CPAP: variants seen among roughly 807,000 people sequenced by gnomAD.
CPAP encodes centrosome assembly and centriole elongation protein.
chr13:24,904,113 A>G, the CPAP span: 18 of 1,599,980 alleles, frequency 1.1e-5, no homozygotes, highest in Non-Finnish European at 1.5e-5. Flanking sequence ...TGCAGCAAAA[A>G]CACTAGCTAG....
the CPAP span, among the ~76,000 whole-genome samples, chr13:24,903,050 C>G: frequency 6.6e-6 from 1 of 152,016 alleles, no homozygotes; most frequent in Admixed American, 6.6e-5. Context: ...TTCACAAGTA[C>G]AATTAAAAAA....
chr13:24,906,949 T>G, the CPAP span: 1 of 1,613,274 alleles, frequency 6.2e-7, no homozygotes, highest in Admixed American at 1.7e-5. Context: ...TTGGCAATGG[T>G]CCTTCTGCTT....
chr13:24,913,172 A>G, the CPAP span: 1 of 665,878 alleles, frequency 1.5e-6, no homozygotes, highest in South Asian at 1.9e-5. Flanking sequence ...ACCTCAACCC[A>G]GCATAAAAAT....
chr13:24,902,823 A>G, the CPAP span, among the ~76,000 whole-genome samples: 1 of 152,346 alleles, frequency 6.6e-6, no homozygotes, highest in South Asian at 2.1e-4. Context: ...GGTGAATTTC[A>G]GCATTTGCAT....
At chr13:24,892,754 G>A in the CPAP span, 36 of 1,613,706 alleles carry the variant, frequency 2.2e-5, no homozygotes, top group Non-Finnish European at 2.8e-5. Context: ...GGAGGTCTGT[G>A]TTCTCTCTGA....
At chr13:24,884,759 T>A in the CPAP span, among the ~76,000 whole-genome samples, 1 of 152,218 alleles carries the variant, frequency 6.6e-6, no homozygotes, top group African/African-American at 2.4e-5. Context: ...TTGTTCTTTG[T>A]CCTTCTCTCA....
the CPAP span, among the ~76,000 whole-genome samples, chr13:24,917,783 G>A: frequency 6.6e-6 from 1 of 152,216 alleles, no homozygotes; most frequent in South Asian, 2.1e-4. Flanking sequence ...CTGGAGCTGG[G>A]AAAAACAAGA....
chr13:24,905,731 G>A, the CPAP span: 1 of 1,614,160 alleles, frequency 6.2e-7, no homozygotes, highest in East Asian at 2.2e-5. Flanking sequence ...TGCTTTCCAT[G>A]ATAGACTCAT....
the CPAP span, among the ~76,000 whole-genome samples, chr13:24,917,554 T>C: frequency 6.6e-6 from 1 of 152,184 alleles, no homozygotes; most frequent in Non-Finnish European, 1.5e-5. Context: ...ATGTCTGCAA[T>C]CTCATCAGTG....
the CPAP span, among the ~76,000 whole-genome samples, chr13:24,899,238 T>C: frequency 3.9e-5 from 6 of 152,354 alleles, no homozygotes; most frequent in Middle Eastern, 6.8e-3. Context: ...AATCTTCTAC[T>C]CTTTAAAAGT....
At chr13:24,927,559 C>T in the CPAP span, among the ~76,000 whole-genome samples, 10 of 152,200 alleles carry the variant, frequency 6.6e-5, no homozygotes, top group Non-Finnish European at 1.3e-4. Flanking sequence ...ACTTAAAAGA[C>T]TGCTTTCATA....
the CPAP span, among the ~76,000 whole-genome samples, chr13:24,893,032 G>A: frequency 5.9e-5 from 9 of 152,182 alleles, no homozygotes; most frequent in Non-Finnish European, 1.3e-4. Flanking sequence ...AGCGGCGGGA[G>A]GAGGGGATCA....
chr13:24,886,103 C>T, the CPAP span: 2 of 387,728 alleles, frequency 5.2e-6, no homozygotes, highest in African/African-American at 2.1e-5. Context: ...CATACTGTAC[C>T]AGCAACATAT....
At chr13:24,910,223 T>C in the CPAP span, 1 of 831,536 alleles carries the variant, frequency 1.2e-6, no homozygotes, top group African/African-American at 1.7e-5. Flanking sequence ...AAATGGTGTT[T>C]AACAAAACCA....
chr13:24,892,087 G>A, the CPAP span, among the ~76,000 whole-genome samples: 15 of 152,290 alleles, frequency 9.8e-5, no homozygotes, highest in South Asian at 1.0e-3. Flanking sequence ...CCACTGGAAT[G>A]TAAGCTTCAT....
the CPAP span, among the ~76,000 whole-genome samples, chr13:24,930,295 ATCT>A: frequency 6.4e-4 from 98 of 152,126 alleles, no homozygotes; most frequent in Non-Finnish European, 1.2e-3. Flanking sequence ...TCTATTAATA[ATCT>A]TTATTTTTTT....
the CPAP span, among the ~76,000 whole-genome samples, chr13:24,920,272 G>T: frequency 2.6e-5 from 4 of 152,320 alleles, no homozygotes; most frequent in East Asian, 7.7e-4. Flanking sequence ...CAATTGTTCA[G>T]TATGTACAAA....
At chr13:24,909,755 T>C in the CPAP span, 1 of 1,580,178 alleles carries the variant, frequency 6.3e-7, no homozygotes, top group Non-Finnish European at 8.7e-7. Flanking sequence ...TTAGTAACAC[T>C]ATAAGCACAG....
chr13:24,906,083 TCA>T, the CPAP span: 3 of 1,613,024 alleles, frequency 1.9e-6, no homozygotes, highest in African/African-American at 1.3e-5. Flanking sequence ...GGGTGCGACT[TCA>T]CACTCACTCT....
Sources: allele counts gnomAD v4.1 joint callset (sites outside exome capture counted in the v4.1 genomes callset), GRCh38; gene constraint gnomAD v4.1.1; transcripts MANE v1.5; gene names NCBI Gene and HGNC (gene_info 2026-07-23, HGNC 2026-07-21).